CCDC102B: variants seen among roughly 807,000 people sequenced by gnomAD.
CCDC102B encodes the protein coiled-coil domain containing 102B.
A neutral mutation model predicts 57.4 loss-of-function variants in CCDC102B; 75 were observed. That is an observed-to-expected ratio of 1.31 (90% CI 1.08 to 1.58). The LOEUF (loss-of-function observed/expected upper bound fraction) is 1.58. Among genes scored for constraint, CCDC102B ranks in the 40% most tolerant of loss-of-function variants. The pLI, the probability that CCDC102B is intolerant of heterozygous loss-of-function variation, is 0.00. For missense variants in CCDC102B, 636 were observed against 582.6 expected, an observed-to-expected ratio of 1.09 and a Z score of -0.94; for synonymous variants, 206 against 201.9, an observed-to-expected ratio of 1.02 and a Z score of -0.17.
intron 6 of CCDC102B, among the ~76,000 whole-genome samples, chr18:68,922,961 G>A (rs949759441): frequency 2.0e-5 from 3 of 152,024 alleles, no homozygotes; most frequent in Non-Finnish European, 4.4e-5. Context: ...GCTCAAGTCT[G>A]ACATTACTTA....
chr18:68,848,397 T>C (rs2037971355), intron 4 of CCDC102B, among the ~76,000 whole-genome samples: 1 of 151,944 alleles, frequency 6.6e-6, no homozygotes. Context: ...TAAAAGCAAA[T>C]ACATGCCTGT....
chr18:68,805,173 A>AC (rs1599486632), intron 1 of CCDC102B, among the ~76,000 whole-genome samples: 1 of 151,982 alleles, frequency 6.6e-6, no homozygotes, highest in South Asian at 2.1e-4. Flanking sequence ...AAATAGAAAA[A>AC]CCCCCGCAAT....
intron 2 of CCDC102B, among the ~76,000 whole-genome samples, chr18:68,778,744 TA>T (rs1335413479): frequency 6.6e-6 from 1 of 151,902 alleles, no homozygotes; most frequent in Non-Finnish European, 1.5e-5. Flanking sequence ...GAACTGGGGA[TA>T]AAAAGGTGAA....
At position 69,054,389 on chromosome 18, in the gene CCDC102B, C is replaced by T; in HGVS notation, c.*252C>T. The T allele has an allele frequency of 8.9e-7, 1 of 1,124,428 alleles. No individual in the cohort carries two copies. The highest frequency in any genetic ancestry group is 5.4e-5 in the East Asian group (1 of 18,422). The allele number at this position is 1,124,428 out of a possible 1,614,324, so 69.7% of individuals were successfully genotyped here. On this transcript the variant is annotated 3_prime_UTR_variant, in exon 8 of 8. Coordinates refer to ENST00000360242, the MANE Select transcript of CCDC102B (RefSeq NM_024781.3). ...TAAGATGTGTAAATATTTTGAAAGT[C>T]AAAAAGGGCTTTCAGAATACTTTTT...
At chr18:68,733,244 G>A (rs1017123154) in intron 2 of CCDC102B, among the ~76,000 whole-genome samples, 7 of 152,028 alleles carry the variant, frequency 4.6e-5, no homozygotes, top group African/African-American at 1.7e-4. Flanking sequence ...TAAGACTGCT[G>A]ATTCAGAATT....
intron 7 of CCDC102B, among the ~76,000 whole-genome samples, chr18:69,032,995 G>A (rs1483005964): frequency 6.6e-6 from 1 of 152,130 alleles, no homozygotes; most frequent in Non-Finnish European, 1.5e-5. Flanking sequence ...GTAAAGCAAT[G>A]TCAATTCTTG....
At chr18:69,049,090 T>A (rs996544931) in intron 7 of CCDC102B, among the ~76,000 whole-genome samples, 9 of 151,932 alleles carry the variant, frequency 5.9e-5, no homozygotes, top group Admixed American at 5.3e-4. Context: ...GTGCAGAACG[T>A]GTAGGTTTGT....
intron 4 of CCDC102B, among the ~76,000 whole-genome samples, chr18:68,858,171 C>A (rs1265436562): frequency 6.6e-6 from 1 of 152,178 alleles, no homozygotes; most frequent in Non-Finnish European, 1.5e-5. Flanking sequence ...TTTTCTGTCA[C>A]CATAGATTAG....
chr18:68,847,989 T>TA (rs1463747324), intron 4 of CCDC102B, among the ~76,000 whole-genome samples: 4 of 151,776 alleles, frequency 2.6e-5, no homozygotes. Context: ...ATAAATGTGT[T>TA]ATATACATAT....
At chr18:69,026,276 A>G (rs1188397683) in intron 7 of CCDC102B, among the ~76,000 whole-genome samples, 1 of 151,916 alleles carries the variant, frequency 6.6e-6, no homozygotes, top group Non-Finnish European at 1.5e-5. Flanking sequence ...GACCAGCCTG[A>G]CCAATACGGT....
chr18:68,950,885 T>C lies in CCDC102B; in HGVS notation c.1263+53457T>C, dbSNP rs556181170. Among the ~76,000 whole-genome samples, 3 of 152,216 alleles carry C rather than the reference T, an allele frequency of 2.0e-5. No individual in the cohort carries two copies. The South Asian group carries it at 6.2e-4, about 32-fold the overall frequency. On this transcript the variant is annotated intron_variant, in intron 6 of 7. Transcript: ENST00000360242. Reference sequence around the variant, plus strand: ...TTTTTTTGAGAATTAAACGTGACAATGACAAACTGTGGATGTAAGATATGT... The same window carrying C: ...TTTTTTTGAGAATTAAACGTGACAACGACAAACTGTGGATGTAAGATATGT...
chr18:68,939,646 A>G (rs2049327589), intron 6 of CCDC102B, among the ~76,000 whole-genome samples: 1 of 151,870 alleles, frequency 6.6e-6, no homozygotes, highest in South Asian at 2.1e-4. Flanking sequence ...AGTCACTGCT[A>G]GACTAGAATA....
chr18:68,755,481 C>G (rs540274989), intron 2 of CCDC102B, among the ~76,000 whole-genome samples: 6 of 152,020 alleles, frequency 3.9e-5, no homozygotes, highest in Non-Finnish European at 4.4e-5. Context: ...GAAAGAGATT[C>G]ATTTTCTGCT....
At chr18:68,880,412 C>T (rs192266805) in intron 5 of CCDC102B, among the ~76,000 whole-genome samples, 48 of 152,334 alleles carry the variant, frequency 3.2e-4, no homozygotes, top group African/African-American at 1.1e-3. Context: ...GGAGCCGGCT[C>T]CAGCCTTGGC....
intron 6 of CCDC102B, among the ~76,000 whole-genome samples, chr18:68,911,596 C>CA (rs1002279069): frequency 4.7e-5 from 7 of 148,950 alleles, no homozygotes; most frequent in Non-Finnish European, 8.9e-5. Flanking sequence ...ACTAAAAATA[C>CA]AAAAAATTAG....
At chr18:68,915,878 T>A (rs1219441107) in intron 6 of CCDC102B, among the ~76,000 whole-genome samples, 1 of 152,234 alleles carries the variant, frequency 6.6e-6, no homozygotes, top group South Asian at 2.1e-4. Flanking sequence ...TAAAGTGTTT[T>A]TTTCTATGAC....
chr18:68,900,485 C>T (rs575072336), intron 6 of CCDC102B, among the ~76,000 whole-genome samples: 3 of 152,218 alleles, frequency 2.0e-5, no homozygotes, highest in African/African-American at 7.2e-5. Context: ...GTCTTCCATA[C>T]ACTCAGAAAA....
chr18:68,781,772 A>G (rs993264704), intron 2 of CCDC102B, among the ~76,000 whole-genome samples: 3 of 152,160 alleles, frequency 2.0e-5, no homozygotes, highest in Non-Finnish European at 4.4e-5. Context: ...TAAATAGAAG[A>G]CAGAAAGATT....
At chr18:68,810,850 C>G (rs1177181195) in intron 1 of CCDC102B, among the ~76,000 whole-genome samples, 3 of 151,996 alleles carry the variant, frequency 2.0e-5, no homozygotes, top group Admixed American at 1.3e-4. Flanking sequence ...TGCTCCCCAC[C>G]ACCCAACAGG....
Sources: gnomAD v4.1 joint callset for allele counts (sites outside exome capture counted in the v4.1 genomes callset) on GRCh38, gnomAD v4.1.1 for gene constraint, MANE v1.5 for transcripts, NCBI Gene and HGNC (gene_info 2026-07-23, HGNC 2026-07-21) for gene names.